MKLN1: variants seen among roughly 807,000 people sequenced by gnomAD.
MKLN1 encodes muskelin.
In MKLN1, 18 loss-of-function variants were observed where a neutral mutation model predicts 99.0. The ratio of observed to expected loss-of-function variants is 0.18; its 90% CI spans 0.13 to 0.27. MKLN1 has a LOEUF of 0.27. Ranked by LOEUF, MKLN1 falls within the 10% of genes least tolerant of loss-of-function variation. The pLI is 1.00. For synonymous variants in MKLN1, 288 were observed against 293.2 expected (o/e 0.98, Z 0.18); for missense variants, 621 against 875.9 (o/e 0.71, Z 3.67).
intron 8 of MKLN1, among the ~76,000 whole-genome samples, chr7:131,422,151 T>C (rs1273996389): frequency 1.3e-5 from 2 of 152,216 alleles, no homozygotes; most frequent in Non-Finnish European, 2.9e-5. Context: ...AAGGATTCTT[T>C]ATCTGTTGAA....
Position 131,487,581 on chromosome 7 carries a change from A to G in MKLN1, c.2087-26A>G, listed in dbSNP as rs776545180. 1.9e-6 allele frequency: 3 copies of G among 1,606,998 alleles called. No individual in the cohort carries two copies. Among genetic ancestry groups the G allele is most frequent in the Non-Finnish European group, 2.5e-6 (3 of 1,177,534 alleles). ...CTGTTACATGTTTTAAACACAATGG[A>G]TGTTTCTTTGTATCTTCTTCACCAG... On this transcript the variant is annotated intron_variant, in intron 17 of 17. Coordinates refer to ENST00000352689, the MANE Select transcript of MKLN1 (RefSeq NM_013255.5). The surrounding 1 kb of genome is among the most constrained non-coding windows in gnomAD (Gnocchi z 4.7).
chr7:131,345,819 G>A (rs935693932), intron 1 of MKLN1, among the ~76,000 whole-genome samples: 38 of 152,264 alleles, frequency 2.5e-4, no homozygotes, highest in African/African-American at 7.9e-4. Flanking sequence ...GAAAGTACAC[G>A]TGTCTTTGAG....
chr7:131,438,350 TGAGAAATGG>T (rs1795733712), intron 10 of MKLN1, among the ~76,000 whole-genome samples: 1 of 151,608 alleles, frequency 6.6e-6, no homozygotes, highest in African/African-American at 2.4e-5. Flanking sequence ...TACATTCCTG[TGAGAAATGG>T]AAATCACTTT....
intron 3 of MKLN1, among the ~76,000 whole-genome samples, chr7:131,269,783 G>A (rs955361659): frequency 2.6e-5 from 4 of 152,116 alleles, no homozygotes; most frequent in African/African-American, 7.2e-5. Context: ...TGAGATTTTA[G>A]CTTCCTCAAA....
chr7:131,227,855 C>T (rs1016515255), intron 3 of MKLN1, among the ~76,000 whole-genome samples: 4 of 152,172 alleles, frequency 2.6e-5, no homozygotes, highest in East Asian at 1.9e-4. Flanking sequence ...CTTGAGCCAC[C>T]GCGCCCGGCC....
At chr7:131,302,489 A>G (rs924763945) in intron 3 of MKLN1, among the ~76,000 whole-genome samples, 9 of 152,176 alleles carry the variant, frequency 5.9e-5, no homozygotes, top group Admixed American at 5.2e-4. Context: ...TCTTCCCAAA[A>G]GGCTGTTTGG....
chr7:131,320,529 C>G (rs1798756212), intron 3 of MKLN1, among the ~76,000 whole-genome samples: 1 of 152,198 alleles, frequency 6.6e-6, no homozygotes, highest in Non-Finnish European at 1.5e-5. Flanking sequence ...GCAAAGACTT[C>G]ATGACTAAAA....
At chr7:131,393,938 T>A (rs1212910245) in intron 4 of MKLN1, among the ~76,000 whole-genome samples, 1 of 152,142 alleles carries the variant, frequency 6.6e-6, no homozygotes, top group Non-Finnish European at 1.5e-5. Context: ...ATAAATGAAT[T>A]CTTAATGAGA....
intron 3 of MKLN1, chr7:131,310,106 T>A (rs1798539856): frequency 6.6e-6 from 1 of 152,178 alleles, no homozygotes; most frequent in Non-Finnish European, 1.5e-5. Flanking sequence ...CATAAGCTGT[T>A]GATTGGCTAT....
chr7:131,125,758 C>A (rs2053151), intron 1 of MKLN1, among the ~76,000 whole-genome samples: 73,296 of 151,722 alleles, frequency 0.48, 19,286 homozygotes, highest in Non-Finnish European at 0.61. Flanking sequence ...TAATCCCAGC[C>A]CTTTGGGAGG....
At chr7:131,477,133 C>T (rs752833272) in intron 16 of MKLN1, among the ~76,000 whole-genome samples, 45 of 152,158 alleles carry the variant, frequency 3.0e-4, no homozygotes, top group Middle Eastern at 3.4e-3. Context: ...ATTATCTTCA[C>T]AACATTGGGA....
intron 3 of MKLN1, among the ~76,000 whole-genome samples, chr7:131,287,456 C>A (rs1249348503): frequency 2.6e-5 from 4 of 152,190 alleles, no homozygotes; most frequent in Non-Finnish European, 5.9e-5. Context: ...CCTCTGAGGT[C>A]ACATTGCCTC....
chr7:131,138,808 C>T (rs943176730), intron 1 of MKLN1, among the ~76,000 whole-genome samples: 19 of 152,178 alleles, frequency 1.2e-4, no homozygotes, highest in African/African-American at 4.3e-4. Context: ...TCTTTATCTC[C>T]TCTCTGTGCT....
intron 1 of MKLN1, among the ~76,000 whole-genome samples, chr7:131,328,869 A>ATGTAAG (rs1347279016): frequency 9.2e-5 from 14 of 152,166 alleles, no homozygotes; most frequent in Admixed American, 8.5e-4. Context: ...AAATGCTGAA[A>ATGTAAG]ATACTCTTAC....
chr7:131,281,964 C>A (rs1473345772), intron 3 of MKLN1, among the ~76,000 whole-genome samples: 1 of 152,108 alleles, frequency 6.6e-6, no homozygotes, highest in Non-Finnish European at 1.5e-5. Flanking sequence ...CCATGCCCAG[C>A]CACTGCCACA....
intron 1 of MKLN1, among the ~76,000 whole-genome samples, chr7:131,140,580 T>A (rs966654539): frequency 6.6e-6 from 1 of 152,178 alleles, no homozygotes; most frequent in African/African-American, 2.4e-5. Flanking sequence ...TCTGGCCATG[T>A]CATGTGACAT....
Position 131,460,038 on chromosome 7 carries a change from T to G in MKLN1, c.1526-3179T>G, listed in dbSNP as rs964465204. ...TCTAACTATGTCTGTAGTTTCATTC[T>G]GTCATTTGAATTTTTTGGTCATAGT... On this transcript the variant is annotated intron_variant, in intron 12 of 17. Transcript: ENST00000352689. Among the ~76,000 whole-genome samples the G allele has an allele frequency of 1.1e-4, 17 of 152,216 alleles. No homozygotes were observed. The East Asian group carries it at 2.1e-3, about 19-fold the overall frequency.
intron 9 of MKLN1, among the ~76,000 whole-genome samples, chr7:131,429,433 CTG>C (rs1795458101): frequency 6.6e-6 from 1 of 152,074 alleles, no homozygotes; most frequent in African/African-American, 2.4e-5. Context: ...AACTGTGTAA[CTG>C]TCTTTTTTGC....
At chr7:131,304,837 T>C (rs1412379227) in intron 3 of MKLN1, among the ~76,000 whole-genome samples, 1 of 152,210 alleles carries the variant, frequency 6.6e-6, no homozygotes, top group Non-Finnish European at 1.5e-5. Context: ...CCAAAATTGA[T>C]CTTGAAAAAT....
Sources: gnomAD v4.1 joint callset for allele counts (sites outside exome capture counted in the v4.1 genomes callset) on GRCh38, gnomAD v4.1.1 for gene constraint, Gnocchi (gnomAD v3.1) non-coding constraint, MANE v1.5 for transcripts, NCBI Gene and HGNC (gene_info 2026-07-23, HGNC 2026-07-21) for gene names.